The following CCBE1 variants were observed in gnomAD, a reference collection of about 807,000 sequenced individuals.
The protein encoded by CCBE1 is collagen and calcium-binding EGF domain-containing protein 1.
Under a neutral mutation model 50.0 loss-of-function variants are expected in CCBE1, and 37 were observed. The observed-to-expected ratio is 0.74, with a 90% CI of 0.57 to 0.97. CCBE1 has a LOEUF of 0.97. CCBE1 is among the 50% of genes least tolerant of loss of function. The pLI, the probability that CCBE1 is intolerant of heterozygous loss-of-function variation, is 0.00. For synonymous variants in CCBE1, 234 were observed against 203.7 expected, an observed-to-expected ratio of 1.15 and a Z score of -1.27; for missense variants, 538 against 523.8, an observed-to-expected ratio of 1.03 and a Z score of -0.26.
intron 2 of CCBE1, among the ~76,000 whole-genome samples, chr18:59,694,091 C>G (rs1334160446): frequency 6.6e-6 from 1 of 151,898 alleles, no homozygotes; most frequent in African/African-American, 2.4e-5. Context: ...AGAATGGTCT[C>G]GATCTCTTGA....
At chr18:59,661,744 G>A (rs2054288766) in intron 2 of CCBE1, among the ~76,000 whole-genome samples, 1 of 152,280 alleles carries the variant, frequency 6.6e-6, no homozygotes, top group African/African-American at 2.4e-5. Flanking sequence ...GAGGCGGGAG[G>A]ATGACTTGAG....
At chr18:59,450,748 T>C (rs1156983139) in intron 6 of CCBE1, among the ~76,000 whole-genome samples, 1 of 152,258 alleles carries the variant, frequency 6.6e-6, no homozygotes, top group Non-Finnish European at 1.5e-5. Context: ...TTGGCCAGAC[T>C]GGTCTGTATC....
At chr18:59,490,369 C>T (rs1312830526) in intron 2 of CCBE1, among the ~76,000 whole-genome samples, 6 of 145,448 alleles carry the variant, frequency 4.1e-5, no homozygotes, top group Admixed American at 2.1e-4. Flanking sequence ...TATGCAGGTG[C>T]GAGACAGGAT....
At chr18:59,683,257 C>A (rs1234003895) in intron 2 of CCBE1, among the ~76,000 whole-genome samples, 6 of 152,202 alleles carry the variant, frequency 3.9e-5, no homozygotes, top group African/African-American at 1.4e-4. Context: ...GCAGACATCA[C>A]CTCAATGACA....
At chr18:59,550,454 C>T (rs75719555) in intron 2 of CCBE1, among the ~76,000 whole-genome samples, 15,721 of 152,064 alleles carry the variant, frequency 0.1, 1,112 homozygotes, top group East Asian at 0.34. Context: ...CTCAGAAGGG[C>T]CTTCATCTGC....
chr18:59,523,812 T>C (rs1238625438), intron 2 of CCBE1, among the ~76,000 whole-genome samples: 3 of 152,196 alleles, frequency 2.0e-5, no homozygotes, highest in Non-Finnish European at 4.4e-5. Context: ...CTCCTCCCCC[T>C]GGGCCCTCTG....
chr18:59,601,332 G>A (rs2053430030), intron 2 of CCBE1, among the ~76,000 whole-genome samples: 2 of 152,012 alleles, frequency 1.3e-5, no homozygotes, highest in South Asian at 4.1e-4. Context: ...AATCATGGGG[G>A]CAGGGTCTTT....
intron 7 of CCBE1, among the ~76,000 whole-genome samples, chr18:59,444,421 T>A (rs1910581600): frequency 2.0e-5 from 3 of 152,040 alleles, no homozygotes; most frequent in Non-Finnish European, 1.5e-5. Flanking sequence ...TTTTGAGGAA[T>A]CTCCACACTC....
chr18:59,499,119 A>T (rs993567469), intron 2 of CCBE1, among the ~76,000 whole-genome samples: 1 of 152,244 alleles, frequency 6.6e-6, no homozygotes, highest in Non-Finnish European at 1.5e-5. Context: ...GGATTCCTTC[A>T]TTTAATTCTA....
intron 2 of CCBE1, among the ~76,000 whole-genome samples, chr18:59,515,281 G>A (rs973484763): frequency 3.3e-5 from 5 of 152,182 alleles, no homozygotes; most frequent in African/African-American, 1.2e-4. Context: ...TATTTGAAGA[G>A]CAATTGTTCA....
At chr18:59,487,592 C>T (rs1912883750) in intron 2 of CCBE1, among the ~76,000 whole-genome samples, 1 of 152,124 alleles carries the variant, frequency 6.6e-6, no homozygotes, top group Non-Finnish European at 1.5e-5. Context: ...ACAGCAACCA[C>T]TAAGATAAAA....
At chr18:59,675,981 C>T (rs2054496111) in intron 2 of CCBE1, among the ~76,000 whole-genome samples, 1 of 152,164 alleles carries the variant, frequency 6.6e-6, no homozygotes, top group African/African-American at 2.4e-5. Context: ...ACTACATCCC[C>T]CCGCCCTACC....
At chr18:59,546,214 T>C (rs1568198453) in intron 2 of CCBE1, among the ~76,000 whole-genome samples, 1 of 152,266 alleles carries the variant, frequency 6.6e-6, no homozygotes, top group East Asian at 1.9e-4. Flanking sequence ...TTGCATTTCT[T>C]TGACTAATGA....
chr18:59,480,375 A>G, intron 2 of CCBE1, 137 bp from the exon 3 acceptor site: 1 of 619,948 alleles, frequency 1.6e-6, no homozygotes, highest in Non-Finnish European at 2.9e-6. Context: ...AAGTATTTTT[A>G]AGGCAATCTG....
At chr18:59,469,100 G>A (rs1911897556) in intron 4 of CCBE1, among the ~76,000 whole-genome samples, 1 of 152,164 alleles carries the variant, frequency 6.6e-6, no homozygotes, top group African/African-American at 2.4e-5. Flanking sequence ...TCTGCCATAT[G>A]GCTACTTCCT....
At position 59,612,664 on chromosome 18, in the gene CCBE1, T is replaced by C. The variant is rs567193921; in HGVS notation, c.212+83965A>G. 8.5e-5 allele frequency among the ~76,000 whole-genome samples: 13 copies of C among 152,204 alleles called. No homozygotes were observed. The East Asian group carries it at 2.5e-3, about 29-fold the overall frequency. ...AGCCAAGATCACACCAGCCAATAAG[T>C]AATGGAGCCAAGATGCAAACCAAGG... is the stretch of plus-strand genomic sequence containing the variant. On this transcript the variant is annotated intron_variant, in intron 2 of 10. Coordinates refer to ENST00000439986, the MANE Select transcript of CCBE1 (RefSeq NM_133459.4).
chr18:59,541,005 C>A (rs945991213), intron 2 of CCBE1, among the ~76,000 whole-genome samples: 3 of 152,196 alleles, frequency 2.0e-5, no homozygotes, highest in Admixed American at 6.5e-5. Flanking sequence ...ACATAAGAAT[C>A]TTTCCTTCAT....
chr18:59,510,834 A>C (rs1319238509), intron 2 of CCBE1, among the ~76,000 whole-genome samples: 1 of 152,240 alleles, frequency 6.6e-6, no homozygotes, highest in Non-Finnish European at 1.5e-5. Flanking sequence ...AAAGAAACAT[A>C]GACTAGTTAA....
At chr18:59,595,186 T>A (rs983619991) in intron 2 of CCBE1, among the ~76,000 whole-genome samples, 4 of 148,968 alleles carry the variant, frequency 2.7e-5, no homozygotes, top group Non-Finnish European at 5.9e-5. Context: ...CTCAGACTCC[T>A]CCCTTGCACA....
Sources: gnomAD v4.1 joint callset for allele counts (sites outside exome capture counted in the v4.1 genomes callset) on GRCh38, gnomAD v4.1.1 for gene constraint, MANE v1.5 for transcripts, NCBI Gene and HGNC (gene_info 2026-07-23, HGNC 2026-07-21) for gene names.